GON4L: variants seen among roughly 807,000 people sequenced by gnomAD.
The protein encoded by GON4L is GON-4-like protein.
In GON4L, 87 loss-of-function variants were observed where a neutral mutation model predicts 211.8. The observed-to-expected ratio is 0.41, with a 90% confidence interval of 0.35 to 0.49. The LOEUF is 0.49. GON4L is among the 20% of genes least tolerant of loss of function. The pLI, the probability that GON4L is intolerant of heterozygous loss-of-function variation, is 0.15. For synonymous variants in GON4L, 875 were observed against 962.6 expected, an observed-to-expected ratio of 0.91 and a Z score of 1.68; for missense variants, 2,155 against 2,659.5, an observed-to-expected ratio of 0.81 and a Z score of 4.17.
chr1:155,796,989 C>T (rs1418374849), intron 11 of GON4L, among the ~76,000 whole-genome samples: 1 of 152,044 alleles, frequency 6.6e-6, no homozygotes, highest in Non-Finnish European at 1.5e-5. Flanking sequence ...TAGTATGATT[C>T]TTTTTGTGGA....
At chr1:155,847,998 G>A (rs191474452) in intron 2 of GON4L, among the ~76,000 whole-genome samples, 27 of 152,226 alleles carry the variant, frequency 1.8e-4, no homozygotes, top group Middle Eastern at 3.4e-3. Flanking sequence ...GGTTTAAAAT[G>A]GGAGGATCTC....
chr1:155,830,151 T>C (rs558834398), intron 2 of GON4L, among the ~76,000 whole-genome samples: 2 of 151,624 alleles, frequency 1.3e-5, no homozygotes, highest in Admixed American at 1.3e-4. Context: ...GGTTTTACCA[T>C]GTTGGCCAGG....
At chr1:155,767,673 A>G in intron 19 of GON4L, 132 bp from the exon 20 acceptor site, 3 of 1,591,888 alleles carry the variant, frequency 1.9e-6, no homozygotes, top group Non-Finnish European at 2.6e-6. Flanking sequence ...AAGACCACAT[A>G]CACAAACATC....
intron 24 of GON4L, among the ~76,000 whole-genome samples, chr1:155,759,342 T>C (rs552173347): frequency 3.9e-5 from 6 of 152,016 alleles, no homozygotes; most frequent in Non-Finnish European, 8.8e-5. Context: ...GAGGTCGAGG[T>C]GGGCAGATCA....
chr1:155,827,834 C>G (rs1035683130), intron 2 of GON4L, among the ~76,000 whole-genome samples: 4 of 152,032 alleles, frequency 2.6e-5, no homozygotes, highest in East Asian at 3.9e-4. Context: ...GAGGCTTTGT[C>G]TCTACTAAAA....
chr1:155,836,666 C>T (rs1427834193), intron 2 of GON4L, among the ~76,000 whole-genome samples: 1 of 152,226 alleles, frequency 6.6e-6, no homozygotes, highest in African/African-American at 2.4e-5. Flanking sequence ...CGTTGTCCCC[C>T]ATCATCTGGG....
chr1:155,783,740 G>T (rs1035992372), intron 14 of GON4L, among the ~76,000 whole-genome samples: 1 of 152,192 alleles, frequency 6.6e-6, no homozygotes, highest in African/African-American at 2.4e-5. Flanking sequence ...CTCACCCGGA[G>T]AAGTGGATAT....
In GON4L at chr1:155,754,356, C is replaced by A. The variant is rs1470668780; in HGVS notation, c.5631+19G>T. ...CCCAGCAGCTCTGATACCCTCGGGA[C>A]CCTTGATACTTTCCTCACCTTGCTG... On this transcript the variant is annotated intron_variant, in intron 28 of 31. Coordinates refer to ENST00000368331, the MANE Select transcript of GON4L (RefSeq NM_001282860.2). 24 of 1,447,528 alleles carry A rather than the reference C, an allele frequency of 1.7e-5. No individual in the cohort carries two copies. The highest frequency in any genetic ancestry group is 2.1e-5 in the Non-Finnish European group (22 of 1,028,104). The allele number at this position is 1,447,528 out of a possible 1,614,324, so 89.7% of individuals were successfully genotyped here.
chr1:155,803,253 T>C (rs1270877448), intron 11 of GON4L, among the ~76,000 whole-genome samples: 26 of 151,390 alleles, frequency 1.7e-4, no homozygotes, highest in Admixed American at 1.4e-3. Context: ...TTTTCTTTTT[T>C]TTTTTTTTTT....
At chr1:155,838,452 A>T (rs780374799) in intron 2 of GON4L, among the ~76,000 whole-genome samples, 7 of 152,140 alleles carry the variant, frequency 4.6e-5, no homozygotes, top group Non-Finnish European at 7.3e-5. Flanking sequence ...TTAACCAGGA[A>T]ATAACTTTGA....
chr1:155,853,352 T>C lies in GON4L; in HGVS notation c.429A>G (p.Gln143=), dbSNP rs748682993. 3 of 1,614,136 alleles carry C rather than the reference T, an allele frequency of 1.9e-6. No individual in the cohort carries two copies. Among genetic ancestry groups the C allele is most frequent in the South Asian group, 1.1e-5 (1 of 91,082 alleles). Residue 143 remains glutamine, a synonymous_variant, in exon 2 of 32, where the codon CAA becomes CAG. Transcript: ENST00000368331. ...KMTLRPGPVT[Q]EDRCDHLTLK... is the part of the protein sequence containing the mutation. The stretch of plus-strand genomic sequence containing the variant: ...GGGTAAGATGATCACATCTGTCTTC[T>C]TGGGTAACTGGCCCAGGCCTGAGTG...
At chr1:155,811,811 T>C (rs1479651180) in intron 10 of GON4L, among the ~76,000 whole-genome samples, 1 of 138,180 alleles carries the variant, frequency 7.2e-6, no homozygotes, top group African/African-American at 2.6e-5. Flanking sequence ...ACGCATGTCA[T>C]CTCAGCACTT....
chr1:155,779,465 C>T (rs1248385952), intron 14 of GON4L, among the ~76,000 whole-genome samples: 4 of 151,052 alleles, frequency 2.6e-5, no homozygotes, highest in African/African-American at 7.3e-5. Context: ...TACAGACACA[C>T]GCCATCACAC....
intron 10 of GON4L, among the ~76,000 whole-genome samples, chr1:155,811,810 A>ATC (rs1667816612): frequency 6.7e-6 from 1 of 148,324 alleles, no homozygotes. Flanking sequence ...GACGCATGTC[A>ATC]TCTCAGCACT....
At chr1:155,769,489 G>C (rs908574773) in intron 19 of GON4L, among the ~76,000 whole-genome samples, 1 of 152,022 alleles carries the variant, frequency 6.6e-6, no homozygotes, top group Non-Finnish European at 1.5e-5. Flanking sequence ...GCTTAGAGTG[G>C]AATAGTGTCA....
intron 2 of GON4L, among the ~76,000 whole-genome samples, chr1:155,849,963 C>G (rs1242770069): frequency 2.5e-4 from 35 of 142,130 alleles, no homozygotes; most frequent in Non-Finnish European, 6.0e-5. Flanking sequence ...CTTAATTTGT[C>G]CTGATCTAGT....
intron 2 of GON4L, among the ~76,000 whole-genome samples, chr1:155,842,653 T>G (rs191135841): frequency 2.6e-5 from 4 of 151,068 alleles, no homozygotes; most frequent in Admixed American, 2.6e-4. Flanking sequence ...CTGGCCAACA[T>G]GGTGAAACCC....
chr1:155,759,472 G>C (rs1368076255), intron 24 of GON4L, among the ~76,000 whole-genome samples: 1 of 152,096 alleles, frequency 6.6e-6, no homozygotes, highest in African/African-American at 2.4e-5. Context: ...TACTCGGGAG[G>C]CTGAGGCAGG....
downstream of GON4L, among the ~76,000 whole-genome samples, chr1:155,745,512 C>A (rs1173954336): frequency 6.6e-6 from 1 of 152,232 alleles, no homozygotes; most frequent in Non-Finnish European, 1.5e-5. Flanking sequence ...AAGTACGAGG[C>A]AGAGCCTTCC....
Sources: allele counts gnomAD v4.1 joint callset (sites outside exome capture counted in the v4.1 genomes callset), GRCh38; gene constraint gnomAD v4.1.1; transcripts MANE v1.5; gene names NCBI Gene and HGNC (gene_info 2026-07-23, HGNC 2026-07-21).